PXDNL: variants seen among roughly 807,000 people sequenced by gnomAD.
PXDNL encodes peroxidasin like.
In PXDNL, 145 loss-of-function variants were observed where a neutral mutation model predicts 150.8. The ratio of observed to expected loss-of-function variants is 0.96; its 90% confidence interval spans 0.84 to 1.10. PXDNL has a LOEUF of 1.10. Ranked by LOEUF, PXDNL falls within the 50% of genes least tolerant of loss-of-function variation. PXDNL has a pLI of 0.00. For missense variants in PXDNL, 2,087 were observed against 1,873.9 expected, an observed-to-expected ratio of 1.11 and a Z score of -2.10; for synonymous variants, 757 against 725.7, an observed-to-expected ratio of 1.04 and a Z score of -0.69.
chr8:51,683,793 G>A (rs926715617), intron 1 of PXDNL, among the ~76,000 whole-genome samples: 9 of 152,138 alleles, frequency 5.9e-5, no homozygotes, highest in African/African-American at 2.2e-4. Flanking sequence ...AGATTCCAAG[G>A]CATGCGAGAC....
intron 10 of PXDNL, among the ~76,000 whole-genome samples, chr8:51,450,395 C>G (rs1417814013): frequency 6.6e-6 from 1 of 152,168 alleles, no homozygotes; most frequent in Admixed American, 6.5e-5. Flanking sequence ...AGGTCTCATC[C>G]TCATTTTACC....
intron 1 of PXDNL, among the ~76,000 whole-genome samples, chr8:51,723,400 T>G (rs1816765431): frequency 6.6e-6 from 1 of 152,164 alleles, no homozygotes; most frequent in Non-Finnish European, 1.5e-5. Context: ...CAGACTCAGA[T>G]GCTGGCTTCC....
At chr8:51,690,374 A>G (rs1053041586) in intron 1 of PXDNL, among the ~76,000 whole-genome samples, 2 of 151,970 alleles carry the variant, frequency 1.3e-5, no homozygotes, top group Non-Finnish European at 2.9e-5. Flanking sequence ...CCTGTGTCCA[A>G]GTGTTCTCAT....
chr8:51,745,280 G>C (rs2036970591), intron 1 of PXDNL, among the ~76,000 whole-genome samples: 1 of 151,994 alleles, frequency 6.6e-6, no homozygotes, highest in East Asian at 1.9e-4. Flanking sequence ...GGTATGTCAA[G>C]ATTAAGATTC....
At chr8:51,549,356 C>T (rs4412363) in intron 4 of PXDNL, among the ~76,000 whole-genome samples, 7,341 of 152,048 alleles carry the variant, frequency 0.048, 563 homozygotes, top group African/African-American at 0.16. Flanking sequence ...GAGCATTCTA[C>T]GCAATAACTG....
chr8:51,330,915 A>C (rs528528998), intron 21 of PXDNL, among the ~76,000 whole-genome samples: 1 of 152,366 alleles, frequency 6.6e-6, no homozygotes, highest in South Asian at 2.1e-4. Flanking sequence ...CTGAGAAACC[A>C]AACAAGTTAT....
intron 19 of PXDNL, among the ~76,000 whole-genome samples, chr8:51,358,327 G>A (rs545829528): frequency 1.4e-4 from 22 of 152,270 alleles, no homozygotes; most frequent in African/African-American, 3.6e-4. Flanking sequence ...TTTTACTTAC[G>A]ATAATCCTGA....
intron 1 of PXDNL, among the ~76,000 whole-genome samples, chr8:51,683,536 A>G (rs1162895797): frequency 6.6e-6 from 1 of 152,046 alleles, no homozygotes; most frequent in African/African-American, 2.4e-5. Context: ...TAAAGTCTCA[A>G]TTATGCAAGA....
At chr8:51,645,687 T>C (rs1056314060) in intron 2 of PXDNL, among the ~76,000 whole-genome samples, 1 of 152,128 alleles carries the variant, frequency 6.6e-6, no homozygotes, top group African/African-American at 2.4e-5. Flanking sequence ...GGCCACCTGA[T>C]AGAATAAAAG....
At chr8:51,658,462 A>G (rs899441196) in intron 1 of PXDNL, among the ~76,000 whole-genome samples, 15 of 152,172 alleles carry the variant, frequency 9.9e-5, no homozygotes, top group Non-Finnish European at 2.1e-4. Context: ...AAATATACCA[A>G]AATGAATATG....
chr8:51,624,484 T>C (rs1224794893), intron 2 of PXDNL, among the ~76,000 whole-genome samples: 1 of 152,180 alleles, frequency 6.6e-6, no homozygotes, highest in African/African-American at 2.4e-5. Context: ...TATGTTGTAC[T>C]GTAGGAAATA....
chr8:51,496,184 T>C (rs950745249), intron 5 of PXDNL, among the ~76,000 whole-genome samples: 1 of 152,162 alleles, frequency 6.6e-6, no homozygotes, highest in African/African-American at 2.4e-5. Context: ...AAAAACCATA[T>C]GATTATCTCA....
In PXDNL at chr8:51,532,839, G is replaced by A. The variant is rs538327295; in HGVS notation, c.380+24001C>T. ...AATGATAGAATAAGCTTTGTTCTCA[G>A]ATGTAATCATTGAGGTACCATACTA... is the stretch of plus-strand genomic sequence containing the variant. On this transcript the variant is annotated intron_variant, in intron 4 of 22. Coordinates refer to ENST00000356297, the MANE Select transcript of PXDNL (RefSeq NM_144651.5). Among the ~76,000 whole-genome samples the A allele has an allele frequency of 1.2e-4, 18 of 151,882 alleles. 1 individual carries two copies. Among genetic ancestry groups the A allele is most frequent in the African/African-American group, 3.9e-4 (16 of 41,558 alleles).
chr8:51,474,767 C>T (rs886126708), intron 7 of PXDNL, among the ~76,000 whole-genome samples: 1 of 152,194 alleles, frequency 6.6e-6, no homozygotes, highest in African/African-American at 2.4e-5. Context: ...AAGACTCTCT[C>T]AGCTCTTAAT....
chr8:51,549,402 C>A (rs185646384), intron 4 of PXDNL, among the ~76,000 whole-genome samples: 21 of 152,034 alleles, frequency 1.4e-4, no homozygotes, highest in Admixed American at 1.2e-3. Context: ...GAACATGGAA[C>A]ATTCTCCAAG....
chr8:51,421,038 T>C (rs1486372546), intron 14 of PXDNL, among the ~76,000 whole-genome samples: 3 of 152,218 alleles, frequency 2.0e-5, no homozygotes, highest in African/African-American at 7.2e-5. Flanking sequence ...GTTAAATTTC[T>C]GTTAAAGAAG....
At chr8:51,520,288 C>T (rs1413906736) in intron 4 of PXDNL, among the ~76,000 whole-genome samples, 2 of 152,188 alleles carry the variant, frequency 1.3e-5, no homozygotes, top group Non-Finnish European at 2.9e-5. Context: ...ACTCTAGCTT[C>T]TGTTTTCCCT....
chr8:51,492,210 T>C (rs574826468), intron 5 of PXDNL, among the ~76,000 whole-genome samples: 2 of 152,348 alleles, frequency 1.3e-5, no homozygotes, highest in South Asian at 4.1e-4. Flanking sequence ...GAAAACATTT[T>C]TCTGCTTAAG....
chr8:51,807,548 CTG>C (rs1283003202), intron 1 of PXDNL, among the ~76,000 whole-genome samples: 3 of 152,190 alleles, frequency 2.0e-5, no homozygotes, highest in African/African-American at 7.2e-5. Flanking sequence ...GATTAGGAAA[CTG>C]TGACACCAAG....
Sources: allele counts gnomAD v4.1 joint callset (sites outside exome capture counted in the v4.1 genomes callset), GRCh38; gene constraint gnomAD v4.1.1; transcripts MANE v1.5; gene names NCBI Gene and HGNC (gene_info 2026-07-23, HGNC 2026-07-21).